The following UBXN4 variants were observed in gnomAD, a reference collection of about 807,000 sequenced individuals.
UBXN4 encodes UBX domain-containing protein 4.
Under a neutral mutation model 66.2 loss-of-function variants are expected in UBXN4, and 35 were observed. The observed-to-expected ratio is 0.53, with a 90% CI of 0.40 to 0.70. UBXN4 has a LOEUF of 0.70. Among genes scored for constraint, UBXN4 ranks in the 30% least tolerant of loss-of-function variants. The pLI is 0.00. For synonymous variants in UBXN4, 203 were observed against 204.5 expected, an observed-to-expected ratio of 0.99 and a Z score of 0.06; for missense variants, 533 against 599.8, an observed-to-expected ratio of 0.89 and a Z score of 1.16.
chr2:135,782,851 C>T lies in UBXN4; in HGVS notation c.1491C>T (p.Asn497=), dbSNP rs773901216. 3.1e-6 allele frequency: 5 copies of T among 1,613,732 alleles called. 1 individual carries two copies. The Admixed American group carries it at 8.3e-5, about 27-fold the overall frequency. Residue 497 remains asparagine, a synonymous_variant, in exon 13 of 13, where the codon AAC becomes AAT. Coordinates refer to ENST00000272638, the MANE Select transcript of UBXN4 (RefSeq NM_014607.4). ...CTCAAGATGATGGTGAAGATGAAAA[C>T]AACACTTGGAATGGAAATTCCACTC... ...LRTQDDGEDE[N]NTWNGNSTQQ... is the part of the protein sequence containing the mutation.
intron 2 of UBXN4, among the ~76,000 whole-genome samples, chr2:135,751,975 T>C (rs2077244955): frequency 6.6e-6 from 1 of 152,192 alleles, no homozygotes; most frequent in Non-Finnish European, 1.5e-5. Flanking sequence ...CAAGAAAATA[T>C]ATTTATGTTT....
intron 2 of UBXN4, among the ~76,000 whole-genome samples, chr2:135,749,851 C>T (rs1020589071): frequency 6.6e-6 from 1 of 152,168 alleles, no homozygotes; most frequent in African/African-American, 2.4e-5. Flanking sequence ...CCTCCAACTC[C>T]CCTGCTCCTT....
intron 2 of UBXN4, among the ~76,000 whole-genome samples, chr2:135,752,979 A>G (rs1433775829): frequency 6.8e-6 from 1 of 146,556 alleles, no homozygotes; most frequent in South Asian, 2.1e-4. Context: ...TGGCCTCCCA[A>G]AGTGCTTGGA....
intron 6 of UBXN4, among the ~76,000 whole-genome samples, chr2:135,762,232 C>G (rs1416549345): frequency 6.6e-6 from 1 of 152,186 alleles, no homozygotes; most frequent in Non-Finnish European, 1.5e-5. Context: ...TCCAGATGGG[C>G]AAGAACTTCA....
intron 2 of UBXN4, among the ~76,000 whole-genome samples, chr2:135,752,475 G>A (rs1237983141): frequency 6.6e-6 from 1 of 152,172 alleles, no homozygotes; most frequent in Non-Finnish European, 1.5e-5. Context: ...CACAGTGCTG[G>A]CCTGCCTTTT....
chr2:135,762,583 C>T (rs1174268365), intron 6 of UBXN4, among the ~76,000 whole-genome samples: 1 of 152,250 alleles, frequency 6.6e-6, no homozygotes, highest in East Asian at 1.9e-4. Context: ...ATAGATGCTT[C>T]GGGGAAACAG....
intron 2 of UBXN4, among the ~76,000 whole-genome samples, chr2:135,750,532 A>G (rs1360215043): frequency 2.0e-5 from 3 of 152,158 alleles, no homozygotes; most frequent in African/African-American, 7.2e-5. Flanking sequence ...AAAATAAAAA[A>G]ATAAATTCAG....
intron 2 of UBXN4, among the ~76,000 whole-genome samples, chr2:135,752,839 G>A (rs2077252689): frequency 6.6e-6 from 1 of 151,802 alleles, no homozygotes; most frequent in Non-Finnish European, 1.5e-5. Flanking sequence ...TCTTGCCTCA[G>A]CCTCCTGAGT....
intron 1 of UBXN4, among the ~76,000 whole-genome samples, chr2:135,747,147 A>C (rs1011310645): frequency 2.6e-5 from 4 of 151,682 alleles, no homozygotes; most frequent in African/African-American, 9.7e-5. Flanking sequence ...AGTGGATTAA[A>C]TTGTCCTGGC....
chr2:135,751,899 A>G (rs1559538259), intron 2 of UBXN4, among the ~76,000 whole-genome samples: 1 of 152,090 alleles, frequency 6.6e-6, no homozygotes, highest in Admixed American at 6.6e-5. Flanking sequence ...AGTATCTCTT[A>G]CTAATCTTAT....
intron 2 of UBXN4, among the ~76,000 whole-genome samples, chr2:135,753,248 T>A (rs1210793188): frequency 1.3e-5 from 2 of 152,168 alleles, no homozygotes. Flanking sequence ...GGTCTCGAAC[T>A]CTTGATCTCA....
Position 135,755,700 on chromosome 2 carries a change from T to A in UBXN4, c.508+9T>A, listed in dbSNP as rs774075413. 6.7e-7 allele frequency: 1 copy of A among 1,485,800 alleles called. No homozygotes were observed. The highest frequency in any genetic ancestry group is 9.0e-7 in the Non-Finnish European group (1 of 1,113,092). The allele number at this position is 1,485,800 out of a possible 1,614,324, so 92.0% of individuals were successfully genotyped here. On this transcript the variant is annotated intron_variant, in intron 5 of 12. Coordinates refer to ENST00000272638, the MANE Select transcript of UBXN4 (RefSeq NM_014607.4). ...GTCAGATACTGCAACAGGTAACTTT[T>A]AATGTACCTTTTTGAGTGCAATAGA...
At chr2:135,742,087 GCCGGCCC>G in intron 1 of UBXN4, 76 bp downstream of exon 1, 1 of 1,506,460 alleles carries the variant, frequency 6.6e-7, no homozygotes, top group Non-Finnish European at 9.0e-7. Context: ...TACCTCAGCC[GCCGGCCC>G]GCCCTCCCCG....
rs1166056661 is a variant in UBXN4, at chr2:135,750,835, CTTTTTTTTTTTTTTTTTTTTTTTT to C, written c.185+2481_185+2504del. Among the ~76,000 whole-genome samples, 6 of 77,468 alleles carry C rather than the reference CTTTTTTTTTTTTTTTTTTTTTTTT, an allele frequency of 7.7e-5. No homozygotes were observed. In the South Asian group the frequency reaches 1.9e-3, roughly 25 times the overall value. 50.8% of individuals were successfully genotyped at this position (77,468 alleles called of 152,430 possible). The stretch of plus-strand genomic sequence containing the variant: ...ATTGTATACAGACTGATGTGTCTGG[CTTTTTTTTTTTTTTTTTTTTTTTT>C]TTTTTTTTTTTTTTGAGACGGAGTC... On this transcript the variant is annotated intron_variant, in intron 2 of 12. Coordinates refer to ENST00000272638, the MANE Select transcript of UBXN4 (RefSeq NM_014607.4).
intron 12 of UBXN4, among the ~76,000 whole-genome samples, chr2:135,781,937 G>A (rs1426538609): frequency 6.6e-6 from 1 of 152,154 alleles, no homozygotes; most frequent in Admixed American, 6.6e-5. Flanking sequence ...AGCTGTGTGT[G>A]ATAGCGTGTG....
In UBXN4 at chr2:135,772,423, C is replaced by T. The variant is rs745382025; in HGVS notation, c.826C>T (p.Arg276Cys). The change falls in exon 9 of 13, where the codon CGT (arginine) becomes TGT (cysteine). Residue 276 changes from arginine (R) to cysteine (C), a missense_variant. Around this residue, in one of 2 missense-constraint regions of UBXN4, gnomAD observed 529 missense variants for 580.1 expected, o/e 0.91. Transcript: ENST00000272638. Reference protein sequence around the residue: ...ERIKQQIALDRAERAARFAKT... With the variant: ...ERIKQQIALDCAERAARFAKT... ...GGTATTTAATGATGTTTTAAAGGAC[C>T]GTGCAGAGAGAGCTGCTCGTTTTGC... 5 of 1,613,520 alleles carry T rather than the reference C, an allele frequency of 3.1e-6. No individual in the cohort carries two copies. The highest frequency in any genetic ancestry group is 2.2e-5 in the South Asian group (2 of 91,060).
In UBXN4 at chr2:135,784,009, A is replaced by G. The variant is rs2077469104; in HGVS notation, c.*1122A>G. ...TAATGGGAGGAAGAAATTTTCTCAGAGCAAACTTTCTATTTTTTACCTGTG... is the reference window on the plus strand; with the variant it reads ...TAATGGGAGGAAGAAATTTTCTCAGGGCAAACTTTCTATTTTTTACCTGTG... On this transcript the variant is annotated 3_prime_UTR_variant, in exon 13 of 13. Transcript: ENST00000272638. The G allele has an allele frequency of 6.8e-6, 1 of 147,982 alleles. No homozygotes were observed. Among genetic ancestry groups the G allele is most frequent in the African/African-American group, 2.6e-5 (1 of 38,468 alleles). 9.2% of individuals were successfully genotyped at this position (147,982 alleles called of 1,614,324 possible).
intron 2 of UBXN4, 43 bp downstream of exon 2, chr2:135,748,412 A>C (rs1193478644): frequency 1.4e-5 from 19 of 1,397,450 alleles, no homozygotes; most frequent in Non-Finnish European, 1.8e-5. Flanking sequence ...AAAATTTATA[A>C]GTATTGTCTT....
rs1374735970 is a variant in UBXN4, at chr2:135,784,952, A to G, written c.*2065A>G. 6.6e-6 allele frequency: 1 copy of G among 152,648 alleles called. No individual in the cohort carries two copies. The highest frequency in any genetic ancestry group is 2.4e-5 in the African/African-American group (1 of 41,586). The allele number at this position is 152,648 out of a possible 1,614,324, so 9.5% of individuals were successfully genotyped here. On this transcript the variant is annotated 3_prime_UTR_variant, in exon 13 of 13. Transcript: ENST00000272638. ...ACCTCTTACCCCAGTACTATTCTCC[A>G]GAGGTAATCTATTAACAATTTCTTA...
Sources: gnomAD v4.1 joint callset for allele counts (sites outside exome capture counted in the v4.1 genomes callset) on GRCh38, gnomAD v4.1.1 for gene constraint, gnomAD v4.1.1 regional missense constraint, MANE v1.5 for transcripts, NCBI Gene and HGNC (gene_info 2026-07-23, HGNC 2026-07-21) for gene names.